The following A2ML1 variants were observed in gnomAD, a reference collection of about 807,000 sequenced individuals.
A2ML1 encodes alpha-2-macroglobulin like 1.
A neutral mutation model predicts 181.9 loss-of-function variants in A2ML1; 161 were observed. The observed-to-expected ratio is 0.89, with a 90% CI of 0.78 to 1.01. A2ML1 has a LOEUF of 1.01. Among genes scored for constraint, A2ML1 ranks in the 50% least tolerant of loss-of-function variants. A2ML1 has a pLI of 0.00. For missense variants in A2ML1, 1,670 were observed against 1,768.1 expected (o/e 0.94, Z 1.00); for synonymous variants, 663 against 666.8 (o/e 0.99, Z 0.09).
rs745626190 is a variant in A2ML1, at chr12:8,885,044, T to C, written c.*95-1463T>C. On this transcript the variant is annotated intron_variant and NMD_transcript_variant, in intron 7 of 7. Transcript: ENST00000537475. ...ATTCCTCTGGGTATATATCCAGTAA[T>C]GGGATTGCTGGCTTGTGAAATTCTT... is the stretch of plus-strand genomic sequence containing the variant. 2.6e-5 allele frequency among the ~76,000 whole-genome samples: 4 copies of C among 152,328 alleles called. No individual in the cohort carries two copies. The East Asian group carries it at 7.7e-4, about 29-fold the overall frequency.
At position 8,823,245 on chromosome 12, in the gene A2ML1, C is replaced by T; in HGVS notation, c.126C>T (p.Asp42=). The T allele has an allele frequency of 1.2e-6, 2 of 1,614,126 alleles. No homozygotes were observed. Among genetic ancestry groups the T allele is most frequent in the Non-Finnish European group, 1.7e-6 (2 of 1,180,020 alleles). ...CCTCCGTTCAGAAGGTTTGTTTGGA[C>T]CTGAGCCCTGGGTACAGTGATGTTA... The part of the protein sequence containing the change: ...NFPSVQKVCL[D]LSPGYSDVKF... The change falls in exon 2 of 36, where the codon GAC becomes GAT. Residue 42 remains aspartate, a synonymous_variant. Coordinates refer to ENST00000299698, the MANE Select transcript of A2ML1 (RefSeq NM_144670.6).
chr12:8,834,781 G>A lies in A2ML1; in HGVS notation c.483+99G>A. 12 of 1,472,748 alleles carry A rather than the reference G, an allele frequency of 8.1e-6. No individual in the cohort carries two copies. The South Asian group carries it at 8.2e-5, about 10-fold the overall frequency. The allele number at this position is 1,472,748 out of a possible 1,614,324, so 91.2% of individuals were successfully genotyped here. The stretch of plus-strand genomic sequence containing the variant: ...AGACAGAAGCAACTCTGAGATCTTG[G>A]CCCAGAGCCCCATGACTCTGCCCAG... On this transcript the variant is annotated intron_variant, in intron 5 of 35. Coordinates refer to ENST00000299698, the MANE Select transcript of A2ML1 (RefSeq NM_144670.6).
chr12:8,828,564 C>T (rs7979289), intron 3 of A2ML1, among the ~76,000 whole-genome samples: 2 of 152,068 alleles, frequency 1.3e-5, no homozygotes, highest in African/African-American at 2.4e-5. Context: ...CCATAACTGG[C>T]GACCCCAAGG....
At chr12:8,869,541 A>G (rs1944549172) in intron 33 of A2ML1, among the ~76,000 whole-genome samples, 1 of 152,232 alleles carries the variant, frequency 6.6e-6, no homozygotes, top group South Asian at 2.1e-4. Flanking sequence ...TTACCATACA[A>G]TTAATATACA....
At position 8,867,853 on chromosome 12, in the gene A2ML1, T is replaced by C; in HGVS notation, c.3729T>C (p.Val1243=). ...GGFSSTQDTV[V]ALQALAKYAT... is the part of the protein sequence containing the mutation. ...GTTGTTTCCCTCAGGATACTGTAGT[T>C]GCTCTCCAAGCTCTTGCCAAATATG... The change falls in exon 30 of 36, where the codon GTT becomes GTC. Residue 1243 remains valine, a synonymous_variant. Transcript: ENST00000299698. 1 of 1,614,212 alleles carries C rather than the reference T, an allele frequency of 6.2e-7. No individual in the cohort carries two copies. Among genetic ancestry groups the C allele is most frequent in the Non-Finnish European group, 8.5e-7 (1 of 1,179,996 alleles).
intron 3 of A2ML1, among the ~76,000 whole-genome samples, chr12:8,827,273 G>T (rs2136715282): frequency 6.6e-6 from 1 of 152,276 alleles, no homozygotes; most frequent in Admixed American, 6.5e-5. Flanking sequence ...CAGGGAGGCG[G>T]AGGTCACATG....
At position 8,826,815 on chromosome 12, in the gene A2ML1, C is replaced by T. The variant is rs763565821; in HGVS notation, c.410-2912C>T. 9.9e-5 allele frequency among the ~76,000 whole-genome samples: 15 copies of T among 152,174 alleles called. No homozygotes were observed. In the East Asian group the frequency reaches 1.2e-3, roughly 12 times the overall value. On this transcript the variant is annotated intron_variant, in intron 3 of 35. Transcript: ENST00000299698. ...TGTATTTTTGGTAGAGATGGAGTTTCGCCATGTTGGCCAGGCTGGTCTCCA... is the reference window on the plus strand; with the variant it reads ...TGTATTTTTGGTAGAGATGGAGTTTTGCCATGTTGGCCAGGCTGGTCTCCA...
chr12:8,878,499 A>C (rs1307400739), downstream of A2ML1, among the ~76,000 whole-genome samples: 1 of 152,180 alleles, frequency 6.6e-6, no homozygotes, highest in Non-Finnish European at 1.5e-5. This position sits in a 1 kb window ranked among gnomAD's most constrained non-coding sequence, Gnocchi z 4.4. Flanking sequence ...AGATTCCAAA[A>C]GGGAGAAGGG....
rs746639563 is a variant in A2ML1, at chr12:8,874,414, C to G, written c.4222-11C>G. 1 of 1,602,670 alleles carries G rather than the reference C, an allele frequency of 6.2e-7. No homozygotes were observed. The highest frequency in any genetic ancestry group is 1.7e-5 in the Admixed American group (1 of 59,956). ...ACTTCTAAGGTACTGTTTCATCTGT[C>G]TTCCCCACAGCTCATTAAGAACACT... On this transcript the variant is annotated splice_polypyrimidine_tract_variant and intron_variant, in intron 33 of 35. Coordinates refer to ENST00000299698, the MANE Select transcript of A2ML1 (RefSeq NM_144670.6).
In A2ML1 at chr12:8,823,326, T is replaced by C; in HGVS notation, c.207T>C (p.Ser69=). Residue 69 remains serine (S), a synonymous_variant, in exon 2 of 36, where the codon TCT becomes TCC. Transcript: ENST00000299698. ...AGACCCAGAAGTTGCTAGAATACTC[T>C]GGACTGAAGAAGAGGCACTTACATT... The part of the protein sequence containing the change: ...KDKTQKLLEY[S]GLKKRHLHCI... 2.5e-6 allele frequency: 4 copies of C among 1,614,112 alleles called. No homozygotes were observed. Among genetic ancestry groups the C allele is most frequent in the South Asian group, 1.1e-5 (1 of 91,074 alleles).
rs189097081 is a variant in A2ML1, at chr12:8,827,645, G to T, written c.410-2082G>T. ...CTGGTGAGGTAATTTTTTCCAACAT[G>T]GTCTTGATGTGGATGTTCATTGGTG... On this transcript the variant is annotated intron_variant, in intron 3 of 35. Transcript: ENST00000299698. Among the ~76,000 whole-genome samples the T allele has an allele frequency of 7.9e-5, 12 of 152,222 alleles. No individual in the cohort carries two copies. In the East Asian group the frequency reaches 1.9e-3, roughly 24 times the overall value.
intron 3 of A2ML1, 128 bp downstream of exon 3, chr12:8,824,010 G>A: frequency 9.2e-7 from 1 of 1,090,468 alleles, no homozygotes; most frequent in Non-Finnish European, 1.3e-6. Context: ...GAAAATCTGG[G>A]GGGATTAAGT....
In A2ML1 at chr12:8,839,119, A is replaced by G; in HGVS notation, c.977A>G (p.Glu326Gly). 6.2e-7 allele frequency: 1 copy of G among 1,611,088 alleles called. No individual in the cohort carries two copies. Among genetic ancestry groups the G allele is most frequent in the Non-Finnish European group, 8.5e-7 (1 of 1,178,456 alleles). ...ATVVEEGTGV[E>G]ANATQNIYIS... ...ATCTGGTTTCCCTCTGCAGGTGTGG[A>G]GGCCAATGCCACTCAGAATATCTAC... The change falls in exon 10 of 36, where the codon GAG becomes GGG. Residue 326 changes from glutamate (E) to glycine (G), a missense_variant. Coordinates refer to ENST00000299698, the MANE Select transcript of A2ML1 (RefSeq NM_144670.6).
intron 21 of A2ML1, 80 bp from the exon 22 acceptor site, chr12:8,854,700 G>C: frequency 6.6e-7 from 1 of 1,507,564 alleles, no homozygotes; most frequent in Non-Finnish European, 9.2e-7. Flanking sequence ...ACAGCGAGGG[G>C]CCTCCCTTCC....
chr12:8,878,282 G>C (rs775751371), downstream of A2ML1, among the ~76,000 whole-genome samples: 4 of 152,148 alleles, frequency 2.6e-5, no homozygotes, highest in African/African-American at 9.7e-5. The surrounding 1 kb of genome is among the most constrained non-coding windows in gnomAD (Gnocchi z 4.4). Context: ...CAGCCTGGGC[G>C]ACAAGAGCAA....
At position 8,832,807 on chromosome 12, in the gene A2ML1, T is replaced by G. The variant is rs763902597; in HGVS notation, c.463-1855T>G. On this transcript the variant is annotated intron_variant, in intron 4 of 35. Transcript: ENST00000299698. ...GTTGGTTAGGTCTGATTTCTTTCAC[T>G]GTCATCGTTTCCTCAGTTTTAATTT... Among the ~76,000 whole-genome samples the G allele has an allele frequency of 1.2e-3, 182 of 152,294 alleles. 1 individual carries two copies. Among genetic ancestry groups the G allele is most frequent in the African/African-American group, 4.2e-3 (173 of 41,566 alleles).
Position 8,867,996 on chromosome 12 carries a change from T to C in A2ML1, c.3872T>C (p.Leu1291Pro). Residue 1291 changes from leucine to proline, a missense_variant, in exon 30 of 36, where the codon CTG becomes CCG. Coordinates refer to ENST00000299698, the MANE Select transcript of A2ML1 (RefSeq NM_144670.6). ...VNRLVFQQDT[L>P]PNVPGMYTLE... The stretch of plus-strand genomic sequence containing the variant: ...AGATTGGTATTTCAGCAGGATACCC[T>C]GCCCAATGTCCCTGGAATGTACACG... The C allele has an allele frequency of 6.2e-7, 1 of 1,614,264 alleles. No individual in the cohort carries two copies.
rs1943835061 is a variant in A2ML1 at position 8,850,051 on chromosome 12, T to A, written c.2120-109T>A. 18 of 845,340 alleles carry A rather than the reference T, an allele frequency of 2.1e-5. No homozygotes were observed. In the Admixed American group the frequency reaches 4.1e-4, roughly 19 times the overall value. 52.4% of individuals were successfully genotyped at this position (845,340 alleles called of 1,614,324 possible). A position where few individuals can be genotyped will look rare whatever the true frequency, so the allele number is the denominator to read the frequency against. ...TCCTTCCTCCTTGCCTCTGACTGGATGTTCTCTGCTTCCCTCTAAATTTCT... is the reference window on the plus strand; with the variant it reads ...TCCTTCCTCCTTGCCTCTGACTGGAAGTTCTCTGCTTCCCTCTAAATTTCT... On this transcript the variant is annotated intron_variant, in intron 17 of 35. Coordinates refer to ENST00000299698, the MANE Select transcript of A2ML1 (RefSeq NM_144670.6).
At position 8,864,105 on chromosome 12, in the gene A2ML1, G is replaced by A. The variant is rs1944362519; in HGVS notation, c.3717+97G>A. 2.7e-6 allele frequency: 3 copies of A among 1,125,422 alleles called. No homozygotes were observed. The Admixed American group carries it at 7.6e-5, about 28-fold the overall frequency. The allele number at this position is 1,125,422 out of a possible 1,614,324, so 69.7% of individuals were successfully genotyped here. The stretch of plus-strand genomic sequence containing the variant: ...ATTGTCCTTGCCTTCTCGGTCCAGG[G>A]GCTTAGAGAGAGGAAAAGCCTGTGA... On this transcript the variant is annotated intron_variant, in intron 29 of 35. Coordinates refer to ENST00000299698, the MANE Select transcript of A2ML1 (RefSeq NM_144670.6).
Sources: gnomAD v4.1 joint callset for allele counts (sites outside exome capture counted in the v4.1 genomes callset) on GRCh38, gnomAD v4.1.1 for gene constraint, Gnocchi (gnomAD v3.1) non-coding constraint, MANE v1.5 for transcripts, NCBI Gene and HGNC (gene_info 2026-07-23, HGNC 2026-07-21) for gene names.